CCDC102B: variants seen among roughly 807,000 people sequenced by gnomAD.
CCDC102B encodes the protein coiled-coil domain containing 102B.
A neutral mutation model predicts 57.4 loss-of-function variants in CCDC102B; 75 were observed. That is an observed-to-expected ratio of 1.31 (90% CI 1.08 to 1.58). CCDC102B has a LOEUF of 1.58. CCDC102B is among the 40% of genes most tolerant of loss of function. The probability of loss-of-function intolerance (pLI) is 0.00; values close to 1 mark genes in which losing one functional copy is unlikely to be tolerated. For missense variants in CCDC102B, 636 were observed against 582.6 expected (o/e 1.09, Z -0.94); for synonymous variants, 206 against 201.9 (o/e 1.02, Z -0.17).
intron 3 of CCDC102B, among the ~76,000 whole-genome samples, chr18:68,841,578 A>G (rs1299655617): frequency 2.0e-5 from 3 of 152,216 alleles, no homozygotes; most frequent in African/African-American, 7.2e-5. Context: ...CTCAAGTAAC[A>G]GAGACTGAGA....
chr18:68,747,710 A>C (rs1189194584), intron 2 of CCDC102B, among the ~76,000 whole-genome samples: 1 of 152,098 alleles, frequency 6.6e-6, no homozygotes, highest in East Asian at 1.9e-4. Context: ...TCTTCTTTTC[A>C]AAGCTGAATA....
intron 2 of CCDC102B, among the ~76,000 whole-genome samples, chr18:68,788,924 T>C (rs2035319300): frequency 6.6e-6 from 1 of 152,228 alleles, no homozygotes; most frequent in African/African-American, 2.4e-5. Context: ...CTTCCTACTC[T>C]GGATGGTCTT....
chr18:69,025,988 C>A (rs2051978361), intron 7 of CCDC102B, among the ~76,000 whole-genome samples: 1 of 152,086 alleles, frequency 6.6e-6, no homozygotes, highest in African/African-American at 2.4e-5. Flanking sequence ...AAGCGTGATT[C>A]CATTGACTCC....
intron 1 of CCDC102B, among the ~76,000 whole-genome samples, chr18:68,803,507 C>A (rs1005631292): frequency 6.6e-6 from 1 of 152,038 alleles, no homozygotes; most frequent in Admixed American, 6.5e-5. Context: ...TACTTAACCA[C>A]GAGGAATCTT....
intron 1 of CCDC102B, among the ~76,000 whole-genome samples, chr18:68,830,131 A>G (rs1367057855): frequency 6.6e-6 from 1 of 151,934 alleles, no homozygotes; most frequent in Non-Finnish European, 1.5e-5. Context: ...ATTTCCGGAA[A>G]CAGTTACATT....
intron 1 of CCDC102B, among the ~76,000 whole-genome samples, chr18:68,829,302 A>C (rs934012399): frequency 6.6e-6 from 1 of 151,944 alleles, no homozygotes; most frequent in African/African-American, 2.4e-5. Flanking sequence ...ACTGAAGTGG[A>C]GTATTTGGAT....
intron 4 of CCDC102B, chr18:68,859,103 A>T (rs1234678656): frequency 6.6e-6 from 1 of 151,006 alleles, no homozygotes; most frequent in Non-Finnish European, 1.5e-5. Context: ...CAAAACAGAG[A>T]TATAGATCAA....
intron 4 of CCDC102B, among the ~76,000 whole-genome samples, chr18:68,872,791 C>G (rs2039290368): frequency 6.6e-6 from 1 of 152,014 alleles, no homozygotes; most frequent in South Asian, 2.1e-4. Flanking sequence ...TTTTCTGCCA[C>G]TCTTATGTTC....
intron 7 of CCDC102B, among the ~76,000 whole-genome samples, chr18:69,027,963 A>G (rs1190836030): frequency 1.3e-5 from 2 of 152,180 alleles, no homozygotes; most frequent in Admixed American, 6.6e-5. Flanking sequence ...CAGGTCCTCA[A>G]TGAGGCAACC....
chr18:69,015,326 G>A (rs2051636749), intron 7 of CCDC102B, among the ~76,000 whole-genome samples: 1 of 152,186 alleles, frequency 6.6e-6, no homozygotes, highest in Non-Finnish European at 1.5e-5. Flanking sequence ...ATATTTTAAT[G>A]TGTATTATTT....
At chr18:68,849,437 C>G (rs186226338) in intron 4 of CCDC102B, among the ~76,000 whole-genome samples, 141 of 152,142 alleles carry the variant, frequency 9.3e-4, no homozygotes, top group African/African-American at 3.3e-3. Context: ...GACTCTGCCT[C>G]CAAACTGGAT....
intron 6 of CCDC102B, among the ~76,000 whole-genome samples, chr18:68,964,405 T>G (rs1346661430): frequency 6.6e-6 from 1 of 151,598 alleles, no homozygotes; most frequent in Admixed American, 6.6e-5. Flanking sequence ...TTCAGGGTTT[T>G]TTTTTTTTTC....
At chr18:68,923,559 T>C (rs1221246297) in intron 6 of CCDC102B, among the ~76,000 whole-genome samples, 1 of 152,024 alleles carries the variant, frequency 6.6e-6, no homozygotes, top group African/African-American at 2.4e-5. Context: ...GATAGGTATT[T>C]TATCACCCCC....
chr18:68,999,026 A>AGAGAGG (rs869261910), intron 6 of CCDC102B, among the ~76,000 whole-genome samples: 2 of 143,374 alleles, frequency 1.4e-5, no homozygotes, highest in African/African-American at 5.4e-5. Flanking sequence ...AGAGAGAGAG[A>AGAGAGG]GAGAGAGAGA....
intron 2 of CCDC102B, among the ~76,000 whole-genome samples, chr18:68,748,999 G>C (rs1029170465): frequency 3.3e-5 from 5 of 152,186 alleles, no homozygotes; most frequent in African/African-American, 1.2e-4. Flanking sequence ...CATATGGCTA[G>C]CCAGTTTTCC....
chr18:68,790,389 C>G (rs1434576907), intron 2 of CCDC102B, among the ~76,000 whole-genome samples: 1 of 151,972 alleles, frequency 6.6e-6, no homozygotes, highest in African/African-American at 2.4e-5. Flanking sequence ...CTTTGTTTAC[C>G]TAAGCAAGCC....
rs774612533 is a variant in CCDC102B at position 68,874,742 on chromosome 18, C to G, written c.1010C>G (p.Ser337Cys). ...LSGNIKEESK[S>C]QNSKDRVICE... Reference sequence around the variant, plus strand: ...GGCAATATAAAGGAAGAATCCAAATCTCAAAACAGCAAAGACAGAGTGATT... The same window carrying G: ...GGCAATATAAAGGAAGAATCCAAATGTCAAAACAGCAAAGACAGAGTGATT... Residue 337 changes from serine to cysteine, a missense_variant, in exon 5 of 8, where the codon TCT becomes TGT. Transcript: ENST00000360242. The G allele has an allele frequency of 6.2e-7, 1 of 1,611,646 alleles. No homozygotes were observed.
chr18:68,928,889 T>TTGAAATGAGTG (rs2041570248), intron 6 of CCDC102B, among the ~76,000 whole-genome samples: 1 of 151,736 alleles, frequency 6.6e-6, no homozygotes, highest in Non-Finnish European at 1.5e-5. Flanking sequence ...AGTCGTGGTA[T>TTGAAATGAGTG]CTAACCTCAA....
intron 6 of CCDC102B, among the ~76,000 whole-genome samples, chr18:69,010,345 GTTAA>G (rs1450968380): frequency 6.6e-6 from 1 of 151,956 alleles, no homozygotes; most frequent in African/African-American, 2.4e-5. Context: ...ATTGTAACCT[GTTAA>G]TTTATATAGT....
Sources: gnomAD v4.1 joint callset for allele counts (sites outside exome capture counted in the v4.1 genomes callset) on GRCh38, gnomAD v4.1.1 for gene constraint, MANE v1.5 for transcripts, NCBI Gene and HGNC (gene_info 2026-07-23, HGNC 2026-07-21) for gene names.